The following POTEH variants were observed in gnomAD, a reference collection of about 807,000 sequenced individuals.
The protein encoded by POTEH is POTE ankyrin domain family member H.
A neutral mutation model predicts 41.7 loss-of-function variants in POTEH; 6 were observed. That is an observed-to-expected ratio of 0.14 (90% CI 0.08 to 0.28). The LOEUF is 0.28. Ranked by LOEUF, POTEH falls within the 10% of genes least tolerant of loss-of-function variation. The pLI is 1.00. For synonymous variants in POTEH, 38 were observed against 179.9 expected (o/e 0.21, Z 6.31); for missense variants, 115 against 533.5 (o/e 0.22, Z 7.73).
At chr22:15,694,749 TGCC>T (rs1244050908) in intron 1 of POTEH, among the ~76,000 whole-genome samples, 1 of 123,168 alleles carries the variant, frequency 8.1e-6, no homozygotes, top group African/African-American at 2.8e-5. Context: ...ATTATTTAAA[TGCC>T]GCCAATTATA....
intron 1 of POTEH, among the ~76,000 whole-genome samples, chr22:15,691,085 CTAAA>C (rs1989296671): frequency 6.9e-6 from 1 of 143,976 alleles, no homozygotes. Context: ...AACTTCAGGG[CTAAA>C]TATTCTTCAA....
In POTEH at chr22:15,690,263, C is replaced by G. The variant is rs570524378; in HGVS notation, c.186C>G (p.Gly62=). ...SAMKTLRSKM[G]KWCCHCFPWC... The stretch of plus-strand genomic sequence containing the variant: ...TGAAGACACTCAGGAGCAAGATGGG[C>G]AAGTGGTGCTGCCACTGCTTCCCCT... The change falls in exon 1 of 11, where the codon GGC becomes GGG. Residue 62 remains glycine (G), a synonymous_variant. Transcript: ENST00000343518. 7.1e-7 allele frequency: 1 copy of G among 1,410,600 alleles called. No individual in the cohort carries two copies. Among genetic ancestry groups the G allele is most frequent in the South Asian group, 1.1e-5 (1 of 87,012 alleles). The allele number at this position is 1,410,600 out of a possible 1,614,324, so 87.4% of individuals were successfully genotyped here. A position where few individuals can be genotyped will look rare whatever the true frequency, so the allele number is the denominator to read the frequency against.
chr22:15,711,265 A>C (rs1989816922), intron 9 of POTEH, among the ~76,000 whole-genome samples: 2 of 152,134 alleles, frequency 1.3e-5, no homozygotes, highest in Non-Finnish European at 2.9e-5. Context: ...GTGACCTTTT[A>C]TTTTAGCTTC....
intron 3 of POTEH, chr22:15,697,657 T>C (rs1989460565): frequency 6.9e-6 from 2 of 290,022 alleles, no homozygotes; most frequent in Admixed American, 1.0e-4. Flanking sequence ...TGGCCTAGTC[T>C]GACTTTTATC....
At chr22:15,711,452 C>A (rs1332920216) in intron 9 of POTEH, among the ~76,000 whole-genome samples, 2 of 150,896 alleles carry the variant, frequency 1.3e-5, no homozygotes, top group South Asian at 4.2e-4. Flanking sequence ...CTCTTTGTGT[C>A]CATGAGTTCT....
intron 9 of POTEH, among the ~76,000 whole-genome samples, chr22:15,713,233 CA>C (rs1386735189): frequency 6.6e-6 from 1 of 152,294 alleles, no homozygotes; most frequent in African/African-American, 2.4e-5. Flanking sequence ...TTGTTTTTCT[CA>C]AGGTTATCAC....
intron 9 of POTEH, among the ~76,000 whole-genome samples, chr22:15,714,066 T>C (rs1989879494): frequency 6.6e-6 from 1 of 152,020 alleles, no homozygotes. Context: ...ACTCTTCCAG[T>C]TGCTCTGCCA....
intron 1 of POTEH, among the ~76,000 whole-genome samples, chr22:15,691,111 T>C (rs1438998010): frequency 1.4e-5 from 2 of 143,878 alleles, no homozygotes; most frequent in Non-Finnish European, 3.1e-5. Flanking sequence ...TAAAATCCAG[T>C]ATGGATTTTA....
intron 9 of POTEH, among the ~76,000 whole-genome samples, chr22:15,717,153 A>G (rs1989923723): frequency 1.1e-5 from 1 of 91,784 alleles, no homozygotes; most frequent in Non-Finnish European, 2.4e-5. Flanking sequence ...GATGTGAGAT[A>G]TATATATTTT....
At chr22:15,690,831 T>C in intron 1 of POTEH, 122 bp downstream of exon 1, 1 of 1,281,682 alleles carries the variant, frequency 7.8e-7, no homozygotes, top group South Asian at 1.3e-5. Flanking sequence ...ACCCTGGATG[T>C]GGAAACCTCA....
chr22:15,713,541 C>G (rs1401706796), intron 9 of POTEH, among the ~76,000 whole-genome samples: 2 of 152,338 alleles, frequency 1.3e-5, no homozygotes, highest in Non-Finnish European at 2.9e-5. Flanking sequence ...GCTTTGTCCC[C>G]TAGGCTGGTG....
At chr22:15,711,298 A>T (rs1199629223) in intron 9 of POTEH, among the ~76,000 whole-genome samples, 1 of 152,100 alleles carries the variant, frequency 6.6e-6, no homozygotes, top group Admixed American at 6.5e-5. Flanking sequence ...CAGGTTTATT[A>T]TATAGGTAAA....
chr22:15,691,985 C>CATAT (rs142856307), intron 1 of POTEH, among the ~76,000 whole-genome samples: 2,236 of 124,262 alleles, frequency 0.018, 39 homozygotes, highest in Non-Finnish European at 0.028. Context: ...TATGCAGATA[C>CATAT]ATATATATAT....
chr22:15,705,353 C>CTTTTT (rs377062560), intron 6 of POTEH, among the ~76,000 whole-genome samples: 366 of 13,910 alleles, frequency 0.026, no homozygotes, highest in Non-Finnish European at 0.034. Context: ...ATATGTTGGC[C>CTTTTT]TTTTTTTTTT....
At chr22:15,712,788 A>G (rs1989847652) in intron 9 of POTEH, among the ~76,000 whole-genome samples, 1 of 133,956 alleles carries the variant, frequency 7.5e-6, no homozygotes. Flanking sequence ...ATATTTGATG[A>G]GTGTCAACTG....
intron 9 of POTEH, among the ~76,000 whole-genome samples, chr22:15,712,852 A>G (rs1486414624): frequency 6.8e-6 from 1 of 147,210 alleles, no homozygotes. Flanking sequence ...TGAGACCTTT[A>G]GTATTTCTTG....
chr22:15,690,598 G>C lies in POTEH; in HGVS notation c.521G>C (p.Arg174Pro), dbSNP rs201721965. 7.0e-7 allele frequency: 1 copy of C among 1,424,916 alleles called. No individual in the cohort carries two copies. The highest frequency in any genetic ancestry group is 9.7e-7 in the Non-Finnish European group (1 of 1,027,394). 88.3% of individuals were successfully genotyped at this position (1,424,916 alleles called of 1,614,324 possible). A position where few individuals can be genotyped will look rare whatever the true frequency, so the allele number is the denominator to read the frequency against. The change falls in exon 1 of 11, where the codon CGA becomes CCA. Residue 174 changes from arginine to proline, a missense_variant. Coordinates refer to ENST00000343518, the MANE Select transcript of POTEH (RefSeq NM_001136213.1). ...ATGGAGCCGAGGTACCACGTCCGTC[G>C]AGAAGATCTGGACAAGCTCCACAGA... Reference protein sequence around the residue: ...AFMEPRYHVRREDLDKLHRAA... With the variant: ...AFMEPRYHVRPEDLDKLHRAA...
At chr22:15,714,372 G>A (rs1290346389) in intron 9 of POTEH, among the ~76,000 whole-genome samples, 9 of 152,260 alleles carry the variant, frequency 5.9e-5, no homozygotes, top group Admixed American at 2.0e-4. Flanking sequence ...CCCATTTCAC[G>A]CTAAGTATGT....
At chr22:15,712,630 T>A (rs1407362606) in intron 9 of POTEH, among the ~76,000 whole-genome samples, 2 of 53,288 alleles carry the variant, frequency 3.8e-5, no homozygotes, top group Non-Finnish European at 3.5e-5. Flanking sequence ...GAAAAGGATA[T>A]ATTTGAGTAT....
Sources: gnomAD v4.1 joint callset for allele counts (sites outside exome capture counted in the v4.1 genomes callset) on GRCh38, gnomAD v4.1.1 for gene constraint, MANE v1.5 for transcripts, NCBI Gene and HGNC (gene_info 2026-07-23, HGNC 2026-07-21) for gene names.